Variants in HIRA observed in about 807,000 individuals in gnomAD.
HIRA encodes the protein protein HIRA.
HIRA carries 13 observed loss-of-function variants against 126.6 expected under a neutral mutation model. That is an observed-to-expected ratio of 0.10 (90% CI 0.07 to 0.16). The LOEUF (loss-of-function observed/expected upper bound fraction) is 0.16. HIRA is among the 10% of genes least tolerant of loss of function. HIRA has a pLI of 1.00. For missense variants in HIRA, 834 were observed against 1,314.4 expected (o/e 0.63, Z 5.65); for synonymous variants, 511 against 520.0 (o/e 0.98, Z 0.24).
intron 24 of HIRA, 131 bp from the exon 25 acceptor site, chr22:19,331,687 G>GA: frequency 1.2e-6 from 1 of 838,298 alleles, no homozygotes. Flanking sequence ...CTGCAGGTGA[G>GA]AAACTGTGAG....
chr22:19,348,234 G>T (rs1400890984), intron 24 of HIRA, among the ~76,000 whole-genome samples: 1 of 152,122 alleles, frequency 6.6e-6, no homozygotes, highest in African/African-American at 2.4e-5. Context: ...CATCATCTTA[G>T]GCCTCAAACT....
chr22:19,386,898 A>C (rs2089132306), intron 11 of HIRA, among the ~76,000 whole-genome samples: 1 of 152,198 alleles, frequency 6.6e-6, no homozygotes, highest in Non-Finnish European at 1.5e-5. Context: ...TCTCCCCCAA[A>C]GGGGTTCACA....
intron 12 of HIRA, among the ~76,000 whole-genome samples, chr22:19,384,814 C>T (rs993218395): frequency 6.6e-5 from 10 of 150,770 alleles, no homozygotes; most frequent in African/African-American, 1.9e-4. Flanking sequence ...CCACCATACC[C>T]GGCTATTTTT....
At chr22:19,362,323 G>GCCA (rs749578917) in intron 15 of HIRA, among the ~76,000 whole-genome samples, 12 of 152,106 alleles carry the variant, frequency 7.9e-5, no homozygotes, top group South Asian at 4.1e-4. Flanking sequence ...ACAAATAACA[G>GCCA]CCACCATGTC....
Position 19,416,666 on chromosome 22 carries a change from T to C in HIRA, c.38-5888A>G, listed in dbSNP as rs1299616684. The stretch of plus-strand genomic sequence containing the variant: ...GAATTTGGCAATAATTTCTTAGATA[T>C]GAGACTAAAGGCACAGACAATAAAA... On this transcript the variant is annotated intron_variant, in intron 1 of 24. Transcript: ENST00000263208. Among the ~76,000 whole-genome samples the C allele has an allele frequency of 3.3e-5, 5 of 152,236 alleles. No individual in the cohort carries two copies. The East Asian group carries it at 9.6e-4, about 29-fold the overall frequency.
At chr22:19,343,927 G>A (rs1469222277) in intron 24 of HIRA, among the ~76,000 whole-genome samples, 1 of 148,450 alleles carries the variant, frequency 6.7e-6, no homozygotes, top group Admixed American at 6.7e-5. Context: ...GCTCAGGCTG[G>A]TCTCGAATTC....
chr22:19,359,705 T>C (rs1325648328), intron 17 of HIRA, among the ~76,000 whole-genome samples: 3 of 152,176 alleles, frequency 2.0e-5, no homozygotes, highest in Admixed American at 2.0e-4. Context: ...TGGGAGCTGG[T>C]TTCTACCCTG....
rs2089314941 is a variant in HIRA, at chr22:19,407,165, A to G, written c.302+19T>C. 2 of 1,595,486 alleles carry G rather than the reference A, an allele frequency of 1.3e-6. No individual in the cohort carries two copies. Among genetic ancestry groups the G allele is most frequent in the African/African-American group, 2.7e-5 (2 of 74,548 alleles). Reference sequence around the variant, plus strand: ...CAGCTTCTAAAAATAAAATGTGAAGAAAGGAAAATGATGCTTACGTAGCCC... The same window carrying G: ...CAGCTTCTAAAAATAAAATGTGAAGGAAGGAAAATGATGCTTACGTAGCCC... On this transcript the variant is annotated intron_variant, in intron 4 of 24. Transcript: ENST00000263208.
At chr22:19,422,819 T>G (rs1391297872) in intron 1 of HIRA, among the ~76,000 whole-genome samples, 3 of 152,296 alleles carry the variant, frequency 2.0e-5, no homozygotes, top group African/African-American at 7.2e-5. Context: ...CCCTGTAGTC[T>G]TCCTCCAGGT....
chr22:19,351,814 C>T lies in HIRA; in HGVS notation c.2849-368G>A, dbSNP rs899354468. 6.6e-6 allele frequency among the ~76,000 whole-genome samples: 1 copy of T among 152,040 alleles called. No individual in the cohort carries two copies. Among genetic ancestry groups the T allele is most frequent in the African/African-American group, 2.4e-5 (1 of 41,380 alleles). On this transcript the variant is annotated intron_variant, in intron 23 of 24. Coordinates refer to ENST00000263208, the MANE Select transcript of HIRA (RefSeq NM_003325.4). This position sits in a 1 kb window ranked among gnomAD's most constrained non-coding sequence, Gnocchi z 4.8. ...TGTCTTTGAGAAGATGCGCTGGCAGCTGGTGTTGAGGGGAGGTCAGGAGGG... is the reference window on the plus strand; with the variant it reads ...TGTCTTTGAGAAGATGCGCTGGCAGTTGGTGTTGAGGGGAGGTCAGGAGGG...
At chr22:19,366,417 C>CAAAGT (rs1368279136) in intron 15 of HIRA, among the ~76,000 whole-genome samples, 1 of 152,168 alleles carries the variant, frequency 6.6e-6, no homozygotes, top group Non-Finnish European at 1.5e-5. Flanking sequence ...CAGATCTGGG[C>CAAAGT]AAAGTAATCT....
chr22:19,386,510 A>C (rs1015294586), intron 11 of HIRA, among the ~76,000 whole-genome samples: 6 of 152,226 alleles, frequency 3.9e-5, no homozygotes, highest in Non-Finnish European at 5.9e-5. Context: ...ATGGGTTGAG[A>C]GGCAGCGTTC....
In HIRA at chr22:19,431,610, C is replaced by T; in HGVS notation, c.-134G>A. 3 of 849,508 alleles carry T rather than the reference C, an allele frequency of 3.5e-6. No individual in the cohort carries two copies. Among genetic ancestry groups the T allele is most frequent in the Non-Finnish European group, 4.2e-6 (3 of 706,646 alleles). The allele number at this position is 849,508 out of a possible 1,614,324, so 52.6% of individuals were successfully genotyped here. ...GCCGCCCGCCCCGCGCCCTCAGGGC[C>T]GCCGCGCCATCGCCGGCCCGCGCCC... On this transcript the variant is annotated 5_prime_UTR_variant, in exon 1 of 25. Coordinates refer to ENST00000263208, the MANE Select transcript of HIRA (RefSeq NM_003325.4).
chr22:19,431,281 C>A (rs1319103213), intron 1 of HIRA, among the ~76,000 whole-genome samples, 159 bp downstream of exon 1: 1 of 152,132 alleles, frequency 6.6e-6, no homozygotes, highest in Non-Finnish European at 1.5e-5. Flanking sequence ...CCAGCCTCTC[C>A]GCGCTGAGGA....
intron 1 of HIRA, among the ~76,000 whole-genome samples, chr22:19,427,150 T>C (rs1422488808): frequency 1.2e-4 from 18 of 152,318 alleles, no homozygotes; most frequent in Middle Eastern, 3.4e-3. Flanking sequence ...TGGGCTGTCC[T>C]GCATGCTATA....
intron 18 of HIRA, among the ~76,000 whole-genome samples, chr22:19,358,390 T>G (rs2088833642): frequency 6.6e-6 from 1 of 152,154 alleles, no homozygotes; most frequent in Non-Finnish European, 1.5e-5. Context: ...CCAGCAGGCT[T>G]GCCCCACAGC....
intron 1 of HIRA, among the ~76,000 whole-genome samples, chr22:19,417,637 TA>T (rs1278569065): frequency 6.6e-6 from 1 of 151,984 alleles, no homozygotes; most frequent in Non-Finnish European, 1.5e-5. Context: ...AATAAATAAA[TA>T]AAAAGATGGC....
At chr22:19,337,296 C>T (rs549929065) in intron 24 of HIRA, among the ~76,000 whole-genome samples, 1 of 151,278 alleles carries the variant, frequency 6.6e-6, no homozygotes, top group South Asian at 2.1e-4. Flanking sequence ...AAATCGGTAT[C>T]ATAAAGAAAA....
At chr22:19,386,700 T>G (rs921466007) in intron 11 of HIRA, among the ~76,000 whole-genome samples, 1 of 152,184 alleles carries the variant, frequency 6.6e-6, no homozygotes, top group African/African-American at 2.4e-5. Context: ...CCAGCCTGAC[T>G]TGGGAAATGG....
Sources: gnomAD v4.1 joint callset for allele counts (sites outside exome capture counted in the v4.1 genomes callset) on GRCh38, gnomAD v4.1.1 for gene constraint, Gnocchi (gnomAD v3.1) non-coding constraint, MANE v1.5 for transcripts, NCBI Gene and HGNC (gene_info 2026-07-23, HGNC 2026-07-21) for gene names.